ZNF362: variants seen among roughly 807,000 people sequenced by gnomAD.
The protein encoded by ZNF362 is zinc finger protein 362.
A neutral mutation model predicts 42.9 loss-of-function variants in ZNF362; 11 were observed. The observed-to-expected ratio is 0.26, with a 90% CI of 0.16 to 0.42. The LOEUF (loss-of-function observed/expected upper bound fraction) is 0.42. ZNF362 is among the 20% of genes least tolerant of loss of function. ZNF362 has a pLI of 1.00. For synonymous variants in ZNF362, 255 were observed against 257.3 expected, an observed-to-expected ratio of 0.99 and a Z score of 0.09; for missense variants, 362 against 576.2, an observed-to-expected ratio of 0.63 and a Z score of 3.81.
chr1:33,245,180 T>C, the ZNF362 span, among the ~76,000 whole-genome samples: 1 of 152,240 alleles, frequency 6.6e-6, no homozygotes, highest in Non-Finnish European at 1.5e-5. Flanking sequence ...AGTGTGAGGC[T>C]GGGTCTGACC....
intron 2 of ZNF362, chr1:33,274,867 T>C (rs1208493498): frequency 1.3e-5 from 11 of 843,712 alleles, no homozygotes; most frequent in Non-Finnish European, 1.6e-5. Context: ...GGTATAATAA[T>C]ACCTCTTGTG....
the ZNF362 span, among the ~76,000 whole-genome samples, chr1:33,244,447 T>C: frequency 7.2e-5 from 11 of 152,254 alleles, no homozygotes; most frequent in African/African-American, 2.7e-4. This position sits in a 1 kb window ranked among gnomAD's most constrained non-coding sequence, Gnocchi z 4.0. Context: ...CTAGGCACTC[T>C]TTTAATCACT....
chr1:33,246,218 A>G, the ZNF362 span, among the ~76,000 whole-genome samples: 1 of 152,220 alleles, frequency 6.6e-6, no homozygotes, highest in Non-Finnish European at 1.5e-5. Context: ...TTGACTCAAT[A>G]TAGCCAAACC....
chr1:33,282,319 A>G (rs1432527773), intron 6 of ZNF362, among the ~76,000 whole-genome samples: 1 of 152,278 alleles, frequency 6.6e-6, no homozygotes, highest in Non-Finnish European at 1.5e-5. Flanking sequence ...AGCAATTATT[A>G]AATATTTTGG....
chr1:33,239,639 G>C, the ZNF362 span, among the ~76,000 whole-genome samples: 13 of 152,218 alleles, frequency 8.5e-5, no homozygotes, highest in East Asian at 1.9e-3. Context: ...CAGGGGAAAT[G>C]CTAGATTCAT....
the ZNF362 span, among the ~76,000 whole-genome samples, chr1:33,136,316 CTTTT>C: frequency 1.5e-5 from 2 of 135,972 alleles, no homozygotes; most frequent in Non-Finnish European, 3.2e-5. Context: ...TTCTTTCTTT[CTTTT>C]TCTTTCTTTC....
At chr1:33,138,179 G>T in the ZNF362 span, among the ~76,000 whole-genome samples, 1 of 152,176 alleles carries the variant, frequency 6.6e-6, no homozygotes, top group Non-Finnish European at 1.5e-5. Context: ...CTGGGCATCT[G>T]CTGCGGCAGG....
At chr1:33,209,133 C>A in the ZNF362 span, among the ~76,000 whole-genome samples, 4 of 152,030 alleles carry the variant, frequency 2.6e-5, no homozygotes, top group East Asian at 7.7e-4. Flanking sequence ...GCATGAAAGG[C>A]TGTTGAATTT....
the ZNF362 span, among the ~76,000 whole-genome samples, chr1:33,129,433 C>T: frequency 6.6e-6 from 1 of 152,186 alleles, no homozygotes; most frequent in African/African-American, 2.4e-5. The surrounding 1 kb of genome is among the most constrained non-coding windows in gnomAD (Gnocchi z 4.1). Flanking sequence ...TCTTTGGGTC[C>T]TGTGGTTCAT....
At chr1:33,253,381 C>G (rs777065231), upstream of ZNF362, among the ~76,000 whole-genome samples, 1 of 150,870 alleles carries the variant, frequency 6.6e-6, no homozygotes, top group Non-Finnish European at 1.5e-5. Flanking sequence ...AAGAAAATGT[C>G]TAAGCTAAGA....
rs555932525 is a variant in ZNF362 at position 33,270,407 on chromosome 1, T to G, written c.-88-80T>G. ...CATGAATCATGACATATTCAACACA[T>G]AGATGTTGAAATCAATGGTAGCTGG... On this transcript the variant is annotated intron_variant, in intron 1 of 8. Transcript: ENST00000539719. 18 of 591,654 alleles carry G rather than the reference T, an allele frequency of 3.0e-5. No homozygotes were observed. In the South Asian group the frequency reaches 3.7e-4, roughly 12 times the overall value. 36.7% of individuals were successfully genotyped at this position (591,654 alleles called of 1,614,324 possible).
the ZNF362 span, among the ~76,000 whole-genome samples, chr1:33,183,894 C>T: frequency 2.0e-5 from 3 of 152,162 alleles, no homozygotes; most frequent in Admixed American, 2.0e-4. Context: ...GATGGTCCAT[C>T]TTATTGCATA....
chr1:33,148,617 T>G, the ZNF362 span, among the ~76,000 whole-genome samples: 1 of 152,200 alleles, frequency 6.6e-6, no homozygotes, highest in African/African-American at 2.4e-5. Context: ...ACAAAATATT[T>G]TATTATTAAT....
the ZNF362 span, among the ~76,000 whole-genome samples, chr1:33,219,002 C>A: frequency 4.6e-4 from 69 of 150,226 alleles, no homozygotes; most frequent in African/African-American, 1.6e-3. Context: ...CCTGCCCCCC[C>A]GCAAGAGACT....
chr1:33,233,765 C>T, the ZNF362 span, among the ~76,000 whole-genome samples: 4 of 152,232 alleles, frequency 2.6e-5, no homozygotes, highest in Middle Eastern at 3.4e-3. Context: ...GACTTTGTGC[C>T]TCTGGAGCCT....
chr1:33,137,136 GT>G, the ZNF362 span, among the ~76,000 whole-genome samples: 42 of 152,188 alleles, frequency 2.8e-4, no homozygotes, highest in East Asian at 5.6e-3. Flanking sequence ...CATCTCTTCT[GT>G]TTGGCCTCAG....
the ZNF362 span, among the ~76,000 whole-genome samples, chr1:33,211,317 G>GT: frequency 6.6e-6 from 1 of 152,096 alleles, no homozygotes; most frequent in Non-Finnish European, 1.5e-5. Context: ...AATTGATGCA[G>GT]TTTCTTCATA....
In ZNF362 at chr1:33,276,545, G is replaced by A. The variant is rs1336175570; in HGVS notation, c.300G>A (p.Pro100=). 35 of 1,493,082 alleles carry A rather than the reference G, an allele frequency of 2.3e-5. No individual in the cohort carries two copies. Among genetic ancestry groups the A allele is most frequent in the Admixed American group, 1.7e-4 (8 of 46,136 alleles). The allele number at this position is 1,493,082 out of a possible 1,614,324, so 92.5% of individuals were successfully genotyped here. A position where few individuals can be genotyped will look rare whatever the true frequency, so the allele number is the denominator to read the frequency against. Residue 100 remains proline, a synonymous_variant, in exon 4 of 9, where the codon CCG becomes CCA. Transcript: ENST00000539719. ...CGGGGCTGCATCCACAGGCGGTGCC[G>A]CAGCCCGACGTGGCGCTGCACGCAC... ...QVPGLHPQAV[P]QPDVALHARP...
chr1:33,175,936 C>A, the ZNF362 span, among the ~76,000 whole-genome samples: 1 of 152,096 alleles, frequency 6.6e-6, no homozygotes, highest in African/African-American at 2.4e-5. Context: ...TCTTGGGGTC[C>A]CCAATGTTGG....
Sources: gnomAD v4.1 joint callset for allele counts (sites outside exome capture counted in the v4.1 genomes callset) on GRCh38, gnomAD v4.1.1 for gene constraint, Gnocchi (gnomAD v3.1) non-coding constraint, MANE v1.5 for transcripts, NCBI Gene and HGNC (gene_info 2026-07-23, HGNC 2026-07-21) for gene names.